The following CDH18 variants were observed in gnomAD, a reference collection of about 807,000 sequenced individuals.
CDH18 encodes cadherin 18, also known as cadherin-18.
In CDH18, 31 loss-of-function variants were observed where a neutral mutation model predicts 67.9. The observed-to-expected ratio is 0.46, with a 90% CI of 0.34 to 0.62. CDH18 has a LOEUF of 0.62. Among genes scored for constraint, CDH18 ranks in the 20% least tolerant of loss-of-function variants. The pLI is 0.01. For missense variants in CDH18, 890 were observed against 975.5 expected, an observed-to-expected ratio of 0.91 and a Z score of 1.17; for synonymous variants, 362 against 347.2, an observed-to-expected ratio of 1.04 and a Z score of -0.48.
At chr5:20,557,859 T>A (rs74570180) in intron 1 of CDH18, among the ~76,000 whole-genome samples, 7,354 of 43,866 alleles carry the variant, frequency 0.17, 435 homozygotes, top group East Asian at 0.4. Context: ...ATATAACATT[T>A]AATGTTATAG....
At chr5:20,326,485 A>T (rs1738590363) in intron 1 of CDH18, among the ~76,000 whole-genome samples, 1 of 152,040 alleles carries the variant, frequency 6.6e-6, no homozygotes. Context: ...GTCTGACTGA[A>T]TCAAATCATT....
intron 1 of CDH18, among the ~76,000 whole-genome samples, chr5:20,339,202 G>A (rs1299195681): frequency 6.6e-6 from 1 of 152,006 alleles, no homozygotes; most frequent in African/African-American, 2.4e-5. Flanking sequence ...GAAACACTGG[G>A]ACTCCTTTGA....
intron 1 of CDH18, among the ~76,000 whole-genome samples, chr5:20,276,994 T>C (rs895571424): frequency 1.3e-5 from 2 of 152,124 alleles, no homozygotes; most frequent in Admixed American, 1.3e-4. Context: ...CCAGCTCAGC[T>C]GCAGTAGAAT....
intron 2 of CDH18, among the ~76,000 whole-genome samples, chr5:19,909,064 A>G (rs1462806013): frequency 3.3e-5 from 5 of 152,122 alleles, no homozygotes; most frequent in East Asian, 1.9e-4. Flanking sequence ...TACCTTCATT[A>G]GCTAAAAAAT....
At chr5:20,123,252 G>A (rs1748520118) in intron 2 of CDH18, among the ~76,000 whole-genome samples, 1 of 152,092 alleles carries the variant, frequency 6.6e-6, no homozygotes, top group African/African-American at 2.4e-5. Context: ...TCTAGACTAT[G>A]CGCCTCTCAG....
chr5:20,322,912 G>T (rs919276702), intron 1 of CDH18, among the ~76,000 whole-genome samples: 1 of 152,018 alleles, frequency 6.6e-6, no homozygotes, highest in African/African-American at 2.4e-5. Flanking sequence ...GAGACTGAAT[G>T]TCAAAACATG....
At chr5:19,779,809 C>T (rs563213073) in intron 3 of CDH18, among the ~76,000 whole-genome samples, 5 of 152,158 alleles carry the variant, frequency 3.3e-5, no homozygotes, top group African/African-American at 7.2e-5. Context: ...ACTTTGGGTA[C>T]GACTAGCAGT....
At chr5:20,461,544 T>C (rs1324861661) in intron 1 of CDH18, among the ~76,000 whole-genome samples, 4 of 152,104 alleles carry the variant, frequency 2.6e-5, no homozygotes, top group African/African-American at 9.7e-5. Context: ...TTGTCTTTAA[T>C]GTGAGGGCTG....
intron 4 of CDH18, among the ~76,000 whole-genome samples, chr5:19,722,041 A>G (rs566336274): frequency 2.0e-5 from 3 of 151,538 alleles, no homozygotes; most frequent in African/African-American, 7.3e-5. Context: ...TTTTTTGTCC[A>G]TTTGTTTTTG....
chr5:20,381,965 AAATT>A (rs1743941529), intron 1 of CDH18, among the ~76,000 whole-genome samples: 1 of 152,174 alleles, frequency 6.6e-6, no homozygotes. Flanking sequence ...TAGAACAATT[AAATT>A]GTCAATTTAA....
intron 7 of CDH18, among the ~76,000 whole-genome samples, chr5:19,578,444 T>G (rs1382487792): frequency 6.6e-6 from 1 of 152,200 alleles, no homozygotes; most frequent in African/African-American, 2.4e-5. Context: ...TCCTTCATAT[T>G]AAATTTATTT....
At chr5:19,590,818 T>C (rs77316621) in intron 7 of CDH18, among the ~76,000 whole-genome samples, 1,584 of 152,180 alleles carry the variant, frequency 0.01, 23 homozygotes, top group African/African-American at 0.037. Context: ...TGAACAAAGA[T>C]GGAGAGAAAC....
intron 2 of CDH18, among the ~76,000 whole-genome samples, chr5:19,843,575 G>A (rs573863719): frequency 3.3e-5 from 5 of 152,352 alleles, no homozygotes; most frequent in South Asian, 4.1e-4. Flanking sequence ...TCGGACCCCC[G>A]ACATAGAGTT....
intron 3 of CDH18, among the ~76,000 whole-genome samples, chr5:19,763,266 G>C (rs1772613974): frequency 6.6e-6 from 1 of 152,188 alleles, no homozygotes. Flanking sequence ...TAATGCTATA[G>C]CAGTGAATAG....
At chr5:20,288,398 A>T (rs1452325398) in intron 1 of CDH18, among the ~76,000 whole-genome samples, 1 of 151,602 alleles carries the variant, frequency 6.6e-6, no homozygotes, top group Non-Finnish European at 1.5e-5. Context: ...GTGACCAGTG[A>T]TGCAAAAAAG....
intron 3 of CDH18, among the ~76,000 whole-genome samples, chr5:19,768,394 C>T (rs990803424): frequency 5.3e-5 from 8 of 152,106 alleles, no homozygotes; most frequent in African/African-American, 1.9e-4. Context: ...AAGTCACATG[C>T]ATTTGTAGAT....
chr5:20,216,368 T>C (rs1233707415), intron 2 of CDH18, among the ~76,000 whole-genome samples: 2 of 151,904 alleles, frequency 1.3e-5, no homozygotes, highest in East Asian at 3.9e-4. Context: ...AAGCATTTTA[T>C]AGTAAAAGGA....
intron 9 of CDH18, among the ~76,000 whole-genome samples, chr5:19,540,972 CT>C (rs1345583405): frequency 1.3e-5 from 2 of 152,232 alleles, no homozygotes; most frequent in Middle Eastern, 3.4e-3. Flanking sequence ...ATGGGTTTTT[CT>C]TTTTCTATCT....
At chr5:20,367,276 C>T (rs952010443) in intron 1 of CDH18, among the ~76,000 whole-genome samples, 1 of 152,114 alleles carries the variant, frequency 6.6e-6, no homozygotes, top group Non-Finnish European at 1.5e-5. Context: ...ATACTAATGA[C>T]CTTGGGTTTA....
Sources: allele counts gnomAD v4.1 joint callset (sites outside exome capture counted in the v4.1 genomes callset), GRCh38; gene constraint gnomAD v4.1.1; transcripts MANE v1.5; gene names NCBI Gene and HGNC (gene_info 2026-07-23, HGNC 2026-07-21).